Variants in FBH1 observed in about 807,000 individuals in gnomAD.
The protein encoded by FBH1 is F-box DNA helicase 1, also known as DNA 3'-5' helicase 1.
A neutral mutation model predicts 115.5 loss-of-function variants in FBH1; 43 were observed. The ratio of observed to expected loss-of-function variants is 0.37; its 90% confidence interval spans 0.29 to 0.48. FBH1 has a LOEUF of 0.48. Ranked by LOEUF, FBH1 falls within the 20% of genes least tolerant of loss-of-function variation. FBH1 has a pLI of 0.99. For synonymous variants in FBH1, 524 were observed against 507.8 expected, an observed-to-expected ratio of 1.03 and a Z score of -0.43; for missense variants, 1,001 against 1,337.3, an observed-to-expected ratio of 0.75 and a Z score of 3.92.
chr10:5,890,530 G>A (rs1367449872), intron 1 of FBH1, among the ~76,000 whole-genome samples, 184 bp downstream of exon 1: 4 of 150,942 alleles, frequency 2.7e-5, no homozygotes, highest in Non-Finnish European at 5.9e-5. Context: ...GTGGGCAGGT[G>A]GAGGGCGCGG....
chr10:5,923,691 G>A lies in FBH1; in HGVS notation c.2393G>A (p.Arg798Lys). ...CTTCTTCAGCCAGAGGAAGAACGGA[G>A]GAAACGTGAGTACCCACCTGGCCTT... ...WILLQPEEER[R>K]KQNLVIKDKF... The change falls in exon 16 of 21, where the codon AGG becomes AAG. Residue 798 changes from arginine to lysine, a missense_variant. Physicochemically the swap from Arg to Lys is conservative, Grantham distance 26. Around this residue, in one of 4 missense-constraint regions of FBH1, gnomAD observed 521 missense variants for 811.0 expected, o/e 0.64. Transcript: ENST00000362091. This position sits in a 1 kb window ranked among gnomAD's most constrained non-coding sequence, Gnocchi z 5.7. The A allele has an allele frequency of 6.2e-7, 1 of 1,613,998 alleles. No homozygotes were observed. Among genetic ancestry groups the A allele is most frequent in the Non-Finnish European group, 8.5e-7 (1 of 1,179,864 alleles).
Position 5,935,496 on chromosome 10 carries a change from G to A in FBH1, c.2830-960G>A, listed in dbSNP as rs1393767582. The A allele has an allele frequency of 1.3e-5, 2 of 152,192 alleles. No homozygotes were observed. Among genetic ancestry groups the A allele is most frequent in the African/African-American group, 4.8e-5 (2 of 41,446 alleles). The allele number at this position is 152,192 out of a possible 1,614,324, so 9.4% of individuals were successfully genotyped here. ...AGGTTCATGGTCTTGGCTGTCTCTC[G>A]GGAAGGAAATTGAGATGACAGTCCA... On this transcript the variant is annotated intron_variant, in intron 19 of 20. Coordinates refer to ENST00000362091, the MANE Select transcript of FBH1 (RefSeq NM_178150.3). The surrounding 1 kb of genome is among the most constrained non-coding windows in gnomAD (Gnocchi z 5.2).
chr10:5,930,200 G>A (rs1244355196), intron 19 of FBH1, among the ~76,000 whole-genome samples: 1 of 152,106 alleles, frequency 6.6e-6, no homozygotes, highest in Non-Finnish European at 1.5e-5. Flanking sequence ...TTTTATAAAT[G>A]TTATCATATG....
Position 5,924,225 on chromosome 10 carries a change from G to A in FBH1, c.2399-86G>A. ...CCCCACTTTAAGACCATCTGCTCTT[G>A]CGCAGCTGCTTAGGAACGTGCAGCA... On this transcript the variant is annotated intron_variant, in intron 16 of 20. Transcript: ENST00000362091. The surrounding 1 kb of genome is among the most constrained non-coding windows in gnomAD (Gnocchi z 6.2). The A allele has an allele frequency of 7.4e-7, 1 of 1,345,668 alleles. No homozygotes were observed. The highest frequency in any genetic ancestry group is 1.0e-6 in the Non-Finnish European group (1 of 956,090). The allele number at this position is 1,345,668 out of a possible 1,614,324, so 83.4% of individuals were successfully genotyped here.
In FBH1 at chr10:5,925,325, C is replaced by T. The variant is rs182696214; in HGVS notation, c.2597-42C>T. The T allele has an allele frequency of 5.4e-4, 864 of 1,601,060 alleles. 6 individuals carry two copies. Among genetic ancestry groups the T allele is most frequent in the Non-Finnish European group, 9.5e-5 (111 of 1,173,658 alleles). On this transcript the variant is annotated intron_variant, in intron 17 of 20. Coordinates refer to ENST00000362091, the MANE Select transcript of FBH1 (RefSeq NM_178150.3). This position sits in a 1 kb window ranked among gnomAD's most constrained non-coding sequence, Gnocchi z 4.6. ...ATGTTTTTGTCATCTTGTTTCTTTC[C>T]CTTTGAAGCACCATCTAACGTGTGC...
intron 1 of FBH1, among the ~76,000 whole-genome samples, chr10:5,898,361 C>T (rs1345661036): frequency 1.3e-5 from 2 of 152,126 alleles, no homozygotes; most frequent in Non-Finnish European, 1.5e-5. Flanking sequence ...GGGCACTAAT[C>T]CCATTTGTGG....
chr10:5,917,233 C>T lies in FBH1; in HGVS notation c.1789-187C>T, dbSNP rs1218355608. The T allele has an allele frequency of 3.3e-6, 2 of 599,752 alleles. No homozygotes were observed. The highest frequency in any genetic ancestry group is 6.0e-6 in the Non-Finnish European group (2 of 332,826). The allele number at this position is 599,752 out of a possible 1,614,324, so 37.2% of individuals were successfully genotyped here. ...GGCACGGCCCGGCTGCTTCCTGTCT[C>T]AGCACTGGAGACCCTCTGGCGTGGA... On this transcript the variant is annotated intron_variant, in intron 10 of 20. Transcript: ENST00000362091. This position sits in a 1 kb window ranked among gnomAD's most constrained non-coding sequence, Gnocchi z 5.6.
In FBH1 at chr10:5,909,875, T is replaced by A. The variant is rs1194765860; in HGVS notation, c.1020+581T>A. On this transcript the variant is annotated intron_variant, in intron 5 of 20. Transcript: ENST00000362091. This position sits in a 1 kb window ranked among gnomAD's most constrained non-coding sequence, Gnocchi z 4.4. ...GCATTTCTGTTTCTCTTGAAGAAGA[T>A]GATTGCTGATGGTGGTGGAGTGGGT... 6.6e-6 allele frequency among the ~76,000 whole-genome samples: 1 copy of A among 152,212 alleles called. No individual in the cohort carries two copies. Among genetic ancestry groups the A allele is most frequent in the East Asian group, 1.9e-4 (1 of 5,196 alleles).
chr10:5,921,261 T>G lies in FBH1; in HGVS notation c.2104T>G (p.Phe702Val). 6.2e-7 allele frequency: 1 copy of G among 1,613,978 alleles called. No homozygotes were observed. Among genetic ancestry groups the G allele is most frequent in the Non-Finnish European group, 8.5e-7 (1 of 1,179,924 alleles). ...CCCTCTGTCTTGTTGTTTTCAGAGT[T>G]TTCGGTTTGGTGTGGAAATAGCTTA... ...HTHVFYLTQS[F>V]RFGVEIAYVG... The change falls in exon 14 of 21, where the codon TTT (phenylalanine) becomes GTT (valine). Residue 702 changes from phenylalanine to valine, a missense_variant. Physicochemically the swap from Phe to Val is conservative, Grantham distance 50. Around this residue, in one of 4 missense-constraint regions of FBH1, gnomAD observed 521 missense variants for 811.0 expected, o/e 0.64. Coordinates refer to ENST00000362091, the MANE Select transcript of FBH1 (RefSeq NM_178150.3). This position sits in a 1 kb window ranked among gnomAD's most constrained non-coding sequence, Gnocchi z 6.4.
rs1832992857 is a variant in FBH1 at position 5,931,933 on chromosome 10, C to T, written c.2829+4392C>T. 6.6e-6 allele frequency among the ~76,000 whole-genome samples: 1 copy of T among 152,200 alleles called. No homozygotes were observed. The highest frequency in any genetic ancestry group is 2.4e-5 in the African/African-American group (1 of 41,446). On this transcript the variant is annotated intron_variant, in intron 19 of 20. Transcript: ENST00000362091. The surrounding 1 kb of genome is among the most constrained non-coding windows in gnomAD (Gnocchi z 4.3). The stretch of plus-strand genomic sequence containing the variant: ...CTGAGGCAGACAGGTCACTTTAAGT[C>T]AGGAGTTAGAGATCAGCCTGGCCAA...
chr10:5,929,614 T>C (rs1029955068), intron 19 of FBH1: 2 of 152,250 alleles, frequency 1.3e-5, no homozygotes, highest in African/African-American at 4.8e-5. Flanking sequence ...GCAAGTCACA[T>C]GATCTCTGTT....
At position 5,918,935 on chromosome 10, in the gene FBH1, A is replaced by T. The variant is rs1041034104; in HGVS notation, c.2100+457A>T. ...AATGTGACAACTCACAGTGTCCTTG[A>T]TTATGCGAAAAGTTTATTATGCGCT... On this transcript the variant is annotated intron_variant, in intron 13 of 20. Transcript: ENST00000362091. This position sits in a 1 kb window ranked among gnomAD's most constrained non-coding sequence, Gnocchi z 4.0. 3.3e-5 allele frequency among the ~76,000 whole-genome samples: 5 copies of T among 152,208 alleles called. No homozygotes were observed. In the South Asian group the frequency reaches 1.0e-3, roughly 32 times the overall value.
rs750992892 is a variant in FBH1, at chr10:5,917,988, T to C, written c.1963+312T>C. ...GGGAAAAGCTTGTGTTGTCTACTTC[T>C]CAAGTGGCTAGGAGAGAACAGACAG... On this transcript the variant is annotated intron_variant, in intron 12 of 20. Transcript: ENST00000362091. The surrounding 1 kb of genome is among the most constrained non-coding windows in gnomAD (Gnocchi z 5.6). 2.6e-5 allele frequency among the ~76,000 whole-genome samples: 4 copies of C among 152,222 alleles called. No individual in the cohort carries two copies. The highest frequency in any genetic ancestry group is 4.4e-5 in the Non-Finnish European group (3 of 68,042).
chr10:5,891,236 A>T, intron 1 of FBH1: 1 of 949,138 alleles, frequency 1.1e-6, no homozygotes, highest in South Asian at 4.9e-5. Context: ...CCATGAAGAT[A>T]AGTCCGTTTT....
Position 5,897,849 on chromosome 10 carries a change from C to T in FBH1, c.2-5171C>T, listed in dbSNP as rs962475444. On this transcript the variant is annotated intron_variant, in intron 1 of 20. Coordinates refer to ENST00000362091, the MANE Select transcript of FBH1 (RefSeq NM_178150.3). The surrounding 1 kb of genome is among the most constrained non-coding windows in gnomAD (Gnocchi z 4.7). ...TAGATTTCTGCAAACACTTAATCTT[C>T]GCAACAAGCATTTTGGATTCAGACG... is the stretch of plus-strand genomic sequence containing the variant. 1.9e-4 allele frequency among the ~76,000 whole-genome samples: 29 copies of T among 152,188 alleles called. No individual in the cohort carries two copies. Among genetic ancestry groups the T allele is most frequent in the African/African-American group, 5.6e-4 (23 of 41,428 alleles).
chr10:5,907,479 T>G lies in FBH1; in HGVS notation c.753+847T>G, dbSNP rs554358308. 6.8e-5 allele frequency among the ~76,000 whole-genome samples: 10 copies of G among 147,436 alleles called. No individual in the cohort carries two copies. In the South Asian group the frequency reaches 1.9e-3, roughly 28 times the overall value. On this transcript the variant is annotated intron_variant, in intron 3 of 20. Coordinates refer to ENST00000362091, the MANE Select transcript of FBH1 (RefSeq NM_178150.3). Reference sequence around the variant, plus strand: ...TGTTTTTTGTTGTTGTTGGTTTTTTTTTTTTTTTTTTTGAGACAGAGTCTT... The same window carrying G: ...TGTTTTTTGTTGTTGTTGGTTTTTTGTTTTTTTTTTTTGAGACAGAGTCTT...
Position 5,921,237 on chromosome 10 carries a change from CCT to C in FBH1, c.2101-18_2101-17del, listed in dbSNP as rs779854815. 2 of 1,611,928 alleles carry C rather than the reference CCT, an allele frequency of 1.2e-6. No individual in the cohort carries two copies. The highest frequency in any genetic ancestry group is 2.2e-5 in the East Asian group (1 of 44,856). ...ACACCACAGGGCGGGCTGCTGACTC[CCT>C]CTGTCTTGTTGTTTTCAGAGTTTTC... On this transcript the variant is annotated intron_variant, in intron 13 of 20. Coordinates refer to ENST00000362091, the MANE Select transcript of FBH1 (RefSeq NM_178150.3). This position sits in a 1 kb window ranked among gnomAD's most constrained non-coding sequence, Gnocchi z 6.4.
At position 5,921,708 on chromosome 10, in the gene FBH1, T is replaced by G. The variant is rs1832327586; in HGVS notation, c.2322+139T>G. On this transcript the variant is annotated intron_variant, in intron 15 of 20. Transcript: ENST00000362091. This position sits in a 1 kb window ranked among gnomAD's most constrained non-coding sequence, Gnocchi z 6.4. The stretch of plus-strand genomic sequence containing the variant: ...TGACTCTTTCCACCAGGCTGCACCA[T>G]GAGTGGTCTCTATCCCAGGCCATTC... The G allele has an allele frequency of 1.7e-6, 2 of 1,151,416 alleles. No homozygotes were observed. The highest frequency in any genetic ancestry group is 5.7e-5 in the East Asian group (2 of 35,190). 71.3% of individuals were successfully genotyped at this position (1,151,416 alleles called of 1,614,324 possible). A position where few individuals can be genotyped will look rare whatever the true frequency, so the allele number is the denominator to read the frequency against.
In FBH1 at chr10:5,906,503, A is replaced by G; in HGVS notation, c.624A>G (p.Ala208=). 2 of 1,614,114 alleles carry G rather than the reference A, an allele frequency of 1.2e-6. No homozygotes were observed. Among genetic ancestry groups the G allele is most frequent in the Non-Finnish European group, 1.7e-6 (2 of 1,180,020 alleles). The change falls in exon 3 of 21, where the codon GCA becomes GCG. Residue 208 remains alanine (A), a synonymous_variant. Transcript: ENST00000362091. This position sits in a 1 kb window ranked among gnomAD's most constrained non-coding sequence, Gnocchi z 7.3. The part of the protein sequence containing the change: ...GLLGTLPCQE[A]LSHICSLPSE... ...TTGGGACCTTGCCCTGCCAGGAAGC[A>G]CTGAGCCACATTTGCAGCCTGCCTA...
Sources: allele counts gnomAD v4.1 joint callset (sites outside exome capture counted in the v4.1 genomes callset), GRCh38; gene constraint gnomAD v4.1.1; regional missense constraint gnomAD v4.1.1; non-coding constraint Gnocchi (gnomAD v3.1); transcripts MANE v1.5; gene names NCBI Gene and HGNC (gene_info 2026-07-23, HGNC 2026-07-21).